MAP2K3: variants seen among roughly 807,000 people sequenced by gnomAD.
MAP2K3 encodes mitogen-activated protein kinase kinase 3.
A neutral mutation model predicts 46.4 loss-of-function variants in MAP2K3; 30 were observed. The ratio of observed to expected loss-of-function variants is 0.65; its 90% CI spans 0.48 to 0.88. MAP2K3 has a LOEUF of 0.88. Ranked by LOEUF, MAP2K3 falls within the 40% of genes least tolerant of loss-of-function variation. MAP2K3 has a pLI of 0.00. For missense variants in MAP2K3, 380 were observed against 464.5 expected (o/e 0.82, Z 1.67); for synonymous variants, 189 against 176.3 (o/e 1.07, Z -0.57).
chr17:21,296,988 G>C (rs1976291393), intron 1 of MAP2K3, among the ~76,000 whole-genome samples: 1 of 152,310 alleles, frequency 6.6e-6, no homozygotes, highest in South Asian at 2.1e-4. Flanking sequence ...GGTCCCCGGG[G>C]TGGCTTTGGT....
At chr17:21,304,393 CAG>C (rs774974213) in intron 7 of MAP2K3, 31 bp from the exon 8 acceptor site, 95 of 1,614,124 alleles carry the variant, frequency 5.9e-5, no homozygotes, top group Non-Finnish European at 7.9e-5. Flanking sequence ...TCGTGCTCCA[CAG>C]ACGTGGCTGA....
At chr17:21,300,501 G>A in intron 3 of MAP2K3, 44 bp from the exon 4 acceptor site, 1 of 1,565,650 alleles carries the variant, frequency 6.4e-7, no homozygotes, top group Non-Finnish European at 8.7e-7. Flanking sequence ...GTGAGGACTG[G>A]CTTCCAGCTT....
At chr17:21,307,824 C>T (rs1487790816) in intron 9 of MAP2K3, among the ~76,000 whole-genome samples, 28 of 132,832 alleles carry the variant, frequency 2.1e-4, no homozygotes, top group African/African-American at 5.5e-4. Flanking sequence ...ATTACAGGCT[C>T]GTGCCACCAT....
At chr17:21,308,669 A>G (rs1977018218) in intron 9 of MAP2K3, among the ~76,000 whole-genome samples, 1 of 152,260 alleles carries the variant, frequency 6.6e-6, no homozygotes, top group African/African-American at 2.4e-5. Flanking sequence ...TATCTGCAAT[A>G]ACAGTTTTCC....
intron 9 of MAP2K3, 103 bp from the exon 10 acceptor site, chr17:21,312,039 G>C: frequency 8.6e-7 from 1 of 1,168,098 alleles, no homozygotes; most frequent in African/African-American, 1.6e-5. Flanking sequence ...TTTGACGCCT[G>C]GCTCTGGTAC....
intron 1 of MAP2K3, among the ~76,000 whole-genome samples, chr17:21,286,759 T>C (rs1480840646): frequency 6.6e-6 from 1 of 152,122 alleles, no homozygotes; most frequent in East Asian, 1.9e-4. Flanking sequence ...ATAGATGCAG[T>C]GAGAATGCTG....
In MAP2K3 at chr17:21,298,923, C is replaced by A. The variant is rs75306459; in HGVS notation, c.162C>A (p.Asp54Glu). ...LDSRTFITIG[D>E]RNFEVEADDL... The stretch of plus-strand genomic sequence containing the variant: ...CCCGGACCTTCATCACCATTGGAGA[C>A]AGAGTAGGTGCCAGCCGCCACCCCT... The change falls in exon 3 of 12, where the codon GAC (aspartate) becomes GAA (glutamate). Residue 54 changes from aspartate to glutamate, a missense_variant. Asp to Glu is a conservative substitution (Grantham distance 45). Transcript: ENST00000342679. The A allele has an allele frequency of 1.6e-3, 2,574 of 1,613,044 alleles. No individual in the cohort carries two copies. In the African/African-American group the frequency reaches 0.031, roughly 19 times the overall value.
intron 9 of MAP2K3, among the ~76,000 whole-genome samples, chr17:21,307,845 CTTTTTTTTTTTTT>C (rs35690616): frequency 2.9e-5 from 3 of 104,762 alleles, no homozygotes; most frequent in Admixed American, 1.2e-4. Context: ...GCCCGGCTAT[CTTTTTTTTTTTTT>C]TTTTTTTTTT....
intron 1 of MAP2K3, among the ~76,000 whole-genome samples, chr17:21,288,978 C>G (rs971920142): frequency 1.3e-5 from 2 of 152,196 alleles, no homozygotes; most frequent in African/African-American, 4.8e-5. Context: ...GGGTAGTGGT[C>G]GAGATTGAAG....
intron 9 of MAP2K3, among the ~76,000 whole-genome samples, chr17:21,306,092 A>C (rs1976879544): frequency 6.6e-6 from 1 of 152,192 alleles, no homozygotes; most frequent in Non-Finnish European, 1.5e-5. Context: ...ACACCCACCC[A>C]GTGCCCTGCA....
intron 9 of MAP2K3, among the ~76,000 whole-genome samples, chr17:21,309,544 T>C (rs1977062946): frequency 6.6e-6 from 1 of 151,752 alleles, no homozygotes; most frequent in Non-Finnish European, 1.5e-5. Context: ...ATTATATATA[T>C]AATATTTTTA....
intron 9 of MAP2K3, among the ~76,000 whole-genome samples, chr17:21,310,889 G>T (rs1215829854): frequency 2.0e-5 from 3 of 152,250 alleles, no homozygotes; most frequent in African/African-American, 7.2e-5. Flanking sequence ...GGAGTACGAG[G>T]TTGAAGGTTT....
intron 11 of MAP2K3, 51 bp downstream of exon 11, chr17:21,313,588 T>TGGGTGGGGGG: frequency 3.3e-6 from 2 of 597,476 alleles, no homozygotes; most frequent in East Asian, 4.3e-5. Flanking sequence ...TGGCTGGGGC[T>TGGGTGGGGGG]GGGTGGGGCT....
intron 1 of MAP2K3, among the ~76,000 whole-genome samples, chr17:21,294,521 C>T (rs1261257183): frequency 6.6e-6 from 1 of 152,310 alleles, no homozygotes; most frequent in Non-Finnish European, 1.5e-5. Context: ...AGTGGGGGCC[C>T]TGCCCTCAGG....
chr17:21,296,677 C>T (rs1000264659), intron 1 of MAP2K3, among the ~76,000 whole-genome samples: 1 of 152,312 alleles, frequency 6.6e-6, no homozygotes, highest in Non-Finnish European at 1.5e-5. Flanking sequence ...GAGCCCCTCC[C>T]TGTAGGGCTG....
chr17:21,305,485 T>C (rs1976847186), intron 9 of MAP2K3, among the ~76,000 whole-genome samples: 1 of 152,300 alleles, frequency 6.6e-6, no homozygotes, highest in African/African-American at 2.4e-5. Context: ...AAATATTTCA[T>C]AGCAGAAGGT....
At chr17:21,311,418 G>A (rs1020409755) in intron 9 of MAP2K3, among the ~76,000 whole-genome samples, 6 of 151,998 alleles carry the variant, frequency 3.9e-5, no homozygotes, top group African/African-American at 9.7e-5. Context: ...AGCTTGGAGC[G>A]AGGACAGAGA....
rs1304044377 is a variant in MAP2K3, at chr17:21,284,877, T to C, written c.-44T>C. 6.2e-7 allele frequency: 1 copy of C among 1,604,658 alleles called. No homozygotes were observed. The highest frequency in any genetic ancestry group is 8.5e-7 in the Non-Finnish European group (1 of 1,175,944). ...TGCTCGGCCCCGGTGGAGCCCGCAG[T>C]CCTCTAGATTAGTCTCCACCGCCGT... On this transcript the variant is annotated 5_prime_UTR_variant, in exon 1 of 12. Transcript: ENST00000342679.
At chr17:21,292,927 C>A (rs1400710363) in intron 1 of MAP2K3, among the ~76,000 whole-genome samples, 1 of 152,304 alleles carries the variant, frequency 6.6e-6, no homozygotes, top group Non-Finnish European at 1.5e-5. Context: ...ATTCTATAAA[C>A]CCTGGGCCTC....
Sources: gnomAD v4.1 joint callset for allele counts (sites outside exome capture counted in the v4.1 genomes callset) on GRCh38, gnomAD v4.1.1 for gene constraint, MANE v1.5 for transcripts, NCBI Gene and HGNC (gene_info 2026-07-23, HGNC 2026-07-21) for gene names.